EDIL3: variants seen among roughly 807,000 people sequenced by gnomAD.
The protein encoded by EDIL3 is EGF-like repeat and discoidin I-like domain-containing protein 3.
In EDIL3, 37 loss-of-function variants were observed where a neutral mutation model predicts 67.4. The observed-to-expected ratio is 0.55, with a 90% confidence interval of 0.42 to 0.72. EDIL3 has a LOEUF of 0.72. Among genes scored for constraint, EDIL3 ranks in the 30% least tolerant of loss-of-function variants. EDIL3 has a pLI of 0.00. For synonymous variants in EDIL3, 195 were observed against 196.3 expected (o/e 0.99, Z 0.05); for missense variants, 527 against 586.3 (o/e 0.90, Z 1.04).
At chr5:84,110,972 G>T (rs1747553358) in intron 5 of EDIL3, among the ~76,000 whole-genome samples, 1 of 152,128 alleles carries the variant, frequency 6.6e-6, no homozygotes, top group Non-Finnish European at 1.5e-5. Flanking sequence ...GTAATCCCTA[G>T]TCTTGGGGGA....
intron 6 of EDIL3, among the ~76,000 whole-genome samples, chr5:84,070,606 A>AGTGT (rs35930293): frequency 0.075 from 10,807 of 144,554 alleles, 459 homozygotes; most frequent in African/African-American, 0.12. Flanking sequence ...TATGGTTAAG[A>AGTGT]GTGTGTGTGT....
chr5:84,068,339 A>C (rs1373336505), intron 6 of EDIL3, among the ~76,000 whole-genome samples: 1 of 152,242 alleles, frequency 6.6e-6, no homozygotes, highest in African/African-American at 2.4e-5. Flanking sequence ...TTGGAAGCCA[A>C]GTTTCACATC....
intron 9 of EDIL3, among the ~76,000 whole-genome samples, chr5:84,057,551 T>C (rs2112232470): frequency 6.6e-6 from 1 of 152,178 alleles, no homozygotes; most frequent in South Asian, 2.1e-4. Context: ...GTCTAACAAG[T>C]GGAAAGGAGA....
chr5:84,144,648 C>T (rs1468248077), intron 4 of EDIL3, among the ~76,000 whole-genome samples: 1 of 152,008 alleles, frequency 6.6e-6, no homozygotes, highest in African/African-American at 2.4e-5. Context: ...TTTCATTTTT[C>T]CTGGTATCAG....
At chr5:84,057,213 G>A (rs544482096) in intron 9 of EDIL3, among the ~76,000 whole-genome samples, 3 of 152,264 alleles carry the variant, frequency 2.0e-5, no homozygotes, top group Admixed American at 6.5e-5. Flanking sequence ...GCATGCAAGT[G>A]ATTTTAAGAA....
chr5:84,034,898 C>CA (rs1745992209), intron 9 of EDIL3, among the ~76,000 whole-genome samples: 1 of 152,128 alleles, frequency 6.6e-6, no homozygotes, highest in Admixed American at 6.6e-5. Context: ...TATCGAGTCT[C>CA]ACGGTATAAA....
At chr5:84,350,971 TC>T (rs1159453381) in intron 1 of EDIL3, among the ~76,000 whole-genome samples, 1 of 152,148 alleles carries the variant, frequency 6.6e-6, no homozygotes, top group Non-Finnish European at 1.5e-5. Context: ...GTCTTTGGGA[TC>T]CAGTGTGTAT....
chr5:84,220,668 T>C (rs927430306), intron 3 of EDIL3, among the ~76,000 whole-genome samples: 4 of 152,176 alleles, frequency 2.6e-5, no homozygotes, highest in African/African-American at 7.2e-5. Context: ...TTTTTGTTCA[T>C]GTATCAACAC....
intron 9 of EDIL3, among the ~76,000 whole-genome samples, chr5:83,983,912 A>ATTAT (rs1419117479): frequency 6.6e-6 from 1 of 152,002 alleles, no homozygotes. Flanking sequence ...GTAGAATATA[A>ATTAT]AGTCTGATGC....
intron 1 of EDIL3, among the ~76,000 whole-genome samples, chr5:84,331,422 T>C (rs1671254530): frequency 6.6e-6 from 1 of 152,162 alleles, no homozygotes; most frequent in South Asian, 2.1e-4. Context: ...AATTGAATCA[T>C]GGGGGACATT....
intron 3 of EDIL3, among the ~76,000 whole-genome samples, chr5:84,217,583 C>T (rs376883946): frequency 6.6e-6 from 1 of 152,176 alleles, no homozygotes; most frequent in African/African-American, 2.4e-5. Flanking sequence ...GAAGAGGAGC[C>T]TCAAGAGTCT....
intron 10 of EDIL3, among the ~76,000 whole-genome samples, chr5:83,948,511 C>T (rs1425950851): frequency 6.6e-6 from 1 of 151,500 alleles, no homozygotes; most frequent in African/African-American, 2.4e-5. Context: ...GTTTCTAATT[C>T]TAGGGCTAGA....
chr5:84,029,417 C>T (rs562683292), intron 9 of EDIL3, among the ~76,000 whole-genome samples: 32 of 152,170 alleles, frequency 2.1e-4, no homozygotes, highest in Non-Finnish European at 3.8e-4. Flanking sequence ...GTCCATTAAA[C>T]CTCTTTATTT....
At chr5:83,970,985 G>A (rs1213513001) in intron 9 of EDIL3, among the ~76,000 whole-genome samples, 1 of 151,126 alleles carries the variant, frequency 6.6e-6, no homozygotes, top group Non-Finnish European at 1.5e-5. Context: ...TAGAAGGCCA[G>A]TTGTCCAAAA....
Position 83,967,647 on chromosome 5 carries a change from T to C in EDIL3, c.1138-4287A>G, listed in dbSNP as rs897242826. On this transcript the variant is annotated intron_variant, in intron 9 of 10. Coordinates refer to ENST00000296591, the MANE Select transcript of EDIL3 (RefSeq NM_005711.5). The stretch of plus-strand genomic sequence containing the variant: ...GTGTGTCTAACTTAGACAAATGGCA[T>C]AGAATTCTGTGAGCATTTGTTTGAG... Among the ~76,000 whole-genome samples the C allele has an allele frequency of 2.6e-5, 4 of 152,278 alleles. No individual in the cohort carries two copies. The South Asian group carries it at 8.3e-4, about 32-fold the overall frequency.
chr5:84,371,309 T>C (rs1045228517), intron 1 of EDIL3, among the ~76,000 whole-genome samples: 2 of 101,460 alleles, frequency 2.0e-5, no homozygotes, highest in African/African-American at 3.2e-5. Flanking sequence ...GAGATACATA[T>C]AGATAAAAAG....
chr5:84,117,244 A>G (rs903195435), intron 5 of EDIL3, among the ~76,000 whole-genome samples: 1 of 151,558 alleles, frequency 6.6e-6, no homozygotes, highest in African/African-American at 2.4e-5. Context: ...GTTAGCCAGG[A>G]TGGTCTCGAT....
chr5:84,023,915 C>G (rs1198868688), intron 9 of EDIL3, among the ~76,000 whole-genome samples: 1 of 152,108 alleles, frequency 6.6e-6, no homozygotes, highest in Non-Finnish European at 1.5e-5. Flanking sequence ...ACAATTTAAA[C>G]TCAAACCTTT....
intron 1 of EDIL3, among the ~76,000 whole-genome samples, chr5:84,319,494 C>CA (rs55738450): frequency 9.1e-4 from 39 of 42,812 alleles, no homozygotes; most frequent in South Asian, 4.1e-3. Flanking sequence ...CAAAAAACAA[C>CA]AAAAAAAAAA....
Sources: gnomAD v4.1 joint callset for allele counts (sites outside exome capture counted in the v4.1 genomes callset) on GRCh38, gnomAD v4.1.1 for gene constraint, MANE v1.5 for transcripts, NCBI Gene and HGNC (gene_info 2026-07-23, HGNC 2026-07-21) for gene names.